AKR1E2: variants seen among roughly 807,000 people sequenced by gnomAD.
AKR1E2 encodes aldo-keto reductase family 1 member E2.
In AKR1E2, 43 loss-of-function variants were observed where a neutral mutation model predicts 41.9. The ratio of observed to expected loss-of-function variants is 1.03; its 90% CI spans 0.80 to 1.32. AKR1E2 has a LOEUF of 1.32. Ranked by LOEUF, AKR1E2 falls within the 40% of genes most tolerant of loss-of-function variation. The pLI is 0.00. For missense variants in AKR1E2, 423 were observed against 396.5 expected, an observed-to-expected ratio of 1.07 and a Z score of -0.57; for synonymous variants, 121 against 138.9, an observed-to-expected ratio of 0.87 and a Z score of 0.91.
At position 4,841,865 on chromosome 10, in the gene AKR1E2, G is replaced by C; in HGVS notation, c.753+8G>C. ...GGCAAGTCTCCTGCTCAGGTAGGGA[G>C]GGAGGGCTGTTCTGAGCCAGGTGGG... On this transcript the variant is annotated splice_region_variant and intron_variant, in intron 7 of 9. Coordinates refer to ENST00000298375, the MANE Select transcript of AKR1E2 (RefSeq NM_001040177.3). The C allele has an allele frequency of 6.2e-7, 1 of 1,612,652 alleles. No homozygotes were observed. Among genetic ancestry groups the C allele is most frequent in the Non-Finnish European group, 8.5e-7 (1 of 1,179,384 alleles).
chr10:4,840,514 T>C (rs1001284917), intron 6 of AKR1E2, among the ~76,000 whole-genome samples: 3 of 152,208 alleles, frequency 2.0e-5, no homozygotes, highest in East Asian at 1.9e-4. Flanking sequence ...TCCTTTCCTA[T>C]GATCCTATCA....
chr10:4,840,365 G>A (rs77905918), intron 6 of AKR1E2, among the ~76,000 whole-genome samples: 5,282 of 152,230 alleles, frequency 0.035, 150 homozygotes, highest in East Asian at 0.11. Flanking sequence ...TTTGTTTCAT[G>A]ATTTCATTTC....
At position 4,826,368 on chromosome 10, in the gene AKR1E2, C is replaced by CGCG; in HGVS notation, c.39+7_39+9dup. The CGCG allele has an allele frequency of 8.1e-7, 1 of 1,234,204 alleles. No individual in the cohort carries two copies. The highest frequency in any genetic ancestry group is 1.0e-6 in the Non-Finnish European group (1 of 987,270). 76.5% of individuals were successfully genotyped at this position (1,234,204 alleles called of 1,614,324 possible). On this transcript the variant is annotated splice_donor_region_variant and intron_variant, in intron 1 of 9. Coordinates refer to ENST00000298375, the MANE Select transcript of AKR1E2 (RefSeq NM_001040177.3). ...GTGGGCCTCAGCTCCTGGAAGGTGA[C>CGCG]GCGGTCGCGGGCAGGGAGGCGCGCC... is the stretch of plus-strand genomic sequence containing the variant.
the AKR1E2 span, among the ~76,000 whole-genome samples, chr10:4,854,555 C>T: frequency 2.6e-5 from 4 of 152,122 alleles, no homozygotes; most frequent in South Asian, 2.1e-4. Flanking sequence ...AGGAACCCCC[C>T]GCCCCGACCC....
upstream of AKR1E2, chr10:4,826,186 G>A: frequency 1.7e-6 from 1 of 596,534 alleles, no homozygotes; most frequent in Non-Finnish European, 2.5e-6. Context: ...CATGCTTCCA[G>A]CCATTGTCGG....
At chr10:4,870,556 A>G in the AKR1E2 span, among the ~76,000 whole-genome samples, 3 of 152,072 alleles carry the variant, frequency 2.0e-5, no homozygotes, top group East Asian at 3.9e-4. Flanking sequence ...TTTTTGCTGG[A>G]TACAAGATTC....
At chr10:4,865,079 G>A in the AKR1E2 span, among the ~76,000 whole-genome samples, 1 of 152,174 alleles carries the variant, frequency 6.6e-6, no homozygotes, top group Admixed American at 6.5e-5. Flanking sequence ...AGGAAGGAAC[G>A]ATGGGGTGTA....
chr10:4,841,035 T>G (rs1202988713), intron 6 of AKR1E2, among the ~76,000 whole-genome samples: 1 of 152,196 alleles, frequency 6.6e-6, no homozygotes, highest in African/African-American at 2.4e-5. Context: ...GTGTTTGAAC[T>G]TGGAACCAGC....
Position 4,847,671 on chromosome 10 carries a change from C to A in AKR1E2, c.*141C>A, listed in dbSNP as rs1834431540. 2 of 908,888 alleles carry A rather than the reference C, an allele frequency of 2.2e-6. No individual in the cohort carries two copies. The highest frequency in any genetic ancestry group is 3.3e-5 in the African/African-American group (2 of 60,002). The allele number at this position is 908,888 out of a possible 1,614,324, so 56.3% of individuals were successfully genotyped here. On this transcript the variant is annotated 3_prime_UTR_variant, in exon 10 of 10. Transcript: ENST00000298375. ...CAGTCAGAGGGGGATGTAAGAGCCA[C>A]CTTCTCTGACAAATCTGGAGAATTG...
the AKR1E2 span, among the ~76,000 whole-genome samples, chr10:4,866,092 A>G: frequency 6.6e-6 from 1 of 152,200 alleles, no homozygotes; most frequent in African/African-American, 2.4e-5. Context: ...CAGCATGTAT[A>G]TTGGGCCATT....
intron 8 of AKR1E2, among the ~76,000 whole-genome samples, chr10:4,844,444 G>A (rs74459636): frequency 4.5e-4 from 68 of 152,304 alleles, no homozygotes; most frequent in Non-Finnish European, 9.0e-4. Flanking sequence ...GGAAGGGGAC[G>A]GGAGTGGGTT....
In AKR1E2 at chr10:4,842,635, G is replaced by A. The variant is rs1483186511; in HGVS notation, c.837+131G>A. ...AGGGGCTTCTCCCTCTGCACTGTGGGTGTTGGTGGTTGACCTTCCCTCAGC... is the reference window on the plus strand; with the variant it reads ...AGGGGCTTCTCCCTCTGCACTGTGGATGTTGGTGGTTGACCTTCCCTCAGC... On this transcript the variant is annotated intron_variant, in intron 8 of 9. Coordinates refer to ENST00000298375, the MANE Select transcript of AKR1E2 (RefSeq NM_001040177.3). The A allele has an allele frequency of 1.2e-5, 9 of 748,206 alleles. No individual in the cohort carries two copies. The African/African-American group carries it at 1.6e-4, about 13-fold the overall frequency. 46.3% of individuals were successfully genotyped at this position (748,206 alleles called of 1,614,324 possible).
At chr10:4,872,810 C>T in the AKR1E2 span, among the ~76,000 whole-genome samples, 1 of 152,162 alleles carries the variant, frequency 6.6e-6, no homozygotes, top group Admixed American at 6.5e-5. Context: ...GGATATGTGT[C>T]AAGCACAAAA....
At chr10:4,828,401 G>A (rs904206493) in intron 1 of AKR1E2, among the ~76,000 whole-genome samples, 5 of 152,204 alleles carry the variant, frequency 3.3e-5, no homozygotes, top group Non-Finnish European at 4.4e-5. Context: ...GTGCCTGATC[G>A]GTGCTGTCTT....
the AKR1E2 span, among the ~76,000 whole-genome samples, chr10:4,858,426 GA>G: frequency 6.6e-6 from 1 of 152,200 alleles, no homozygotes; most frequent in Non-Finnish European, 1.5e-5. Flanking sequence ...AAAATGAATA[GA>G]TGAATTGTCT....
upstream of AKR1E2, chr10:4,825,075 G>T (rs1175192369): frequency 4.4e-6 from 2 of 451,446 alleles, no homozygotes; most frequent in Non-Finnish European, 8.9e-6. Flanking sequence ...ATGAATAAAT[G>T]AGAGTATCGA....
chr10:4,841,100 A>C (rs1833834868), intron 6 of AKR1E2, among the ~76,000 whole-genome samples: 1 of 152,100 alleles, frequency 6.6e-6, no homozygotes, highest in South Asian at 2.1e-4. Flanking sequence ...GGGGTAGCGG[A>C]TCCTCTGATG....
the AKR1E2 span, among the ~76,000 whole-genome samples, chr10:4,870,094 C>A: frequency 6.6e-6 from 1 of 151,990 alleles, no homozygotes; most frequent in East Asian, 1.9e-4. Flanking sequence ...TTTGGTGTTT[C>A]TCTTTGTATA....
chr10:4,867,249 A>G, the AKR1E2 span, among the ~76,000 whole-genome samples: 1 of 152,288 alleles, frequency 6.6e-6, no homozygotes, highest in East Asian at 1.9e-4. Flanking sequence ...AGGTGGATTC[A>G]CAACCAAGAT....
Sources: allele counts gnomAD v4.1 joint callset (sites outside exome capture counted in the v4.1 genomes callset), GRCh38; gene constraint gnomAD v4.1.1; transcripts MANE v1.5; gene names NCBI Gene and HGNC (gene_info 2026-07-23, HGNC 2026-07-21).